TBC1D19: variants seen among roughly 807,000 people sequenced by gnomAD.
TBC1D19 encodes the protein TBC1 domain family, member 19.
In TBC1D19, 60 loss-of-function variants were observed where a neutral mutation model predicts 89.0. That is an observed-to-expected ratio of 0.67 (90% confidence interval 0.55 to 0.84). The LOEUF (loss-of-function observed/expected upper bound fraction) is 0.84, where lower values mean the gene tolerates loss of function less well. Ranked by LOEUF, TBC1D19 falls within the 40% of genes least tolerant of loss-of-function variation. The pLI, the probability that TBC1D19 is intolerant of heterozygous loss-of-function variation, is 0.00. For missense variants in TBC1D19, 500 were observed against 610.8 expected, an observed-to-expected ratio of 0.82 and a Z score of 1.91; for synonymous variants, 189 against 199.7, an observed-to-expected ratio of 0.95 and a Z score of 0.45.
chr4:26,724,601 A>T (rs1717188069), intron 15 of TBC1D19, among the ~76,000 whole-genome samples: 17 of 152,102 alleles, frequency 1.1e-4, no homozygotes, highest in Admixed American at 1.1e-3. Context: ...TTTGACAGAG[A>T]TTTTCTTAAA....
rs16878532 is a variant in TBC1D19, at chr4:26,664,059, C to T, written c.592-2274C>T. The stretch of plus-strand genomic sequence containing the variant: ...CCTTTTGTTATGTCAGGCCCTGTGC[C>T]AAGTAGTAAAGCAGAGTGCAAATGT... On this transcript the variant is annotated intron_variant, in intron 8 of 20. Coordinates refer to ENST00000264866, the MANE Select transcript of TBC1D19 (RefSeq NM_018317.4). 5.6e-3 allele frequency among the ~76,000 whole-genome samples: 856 copies of T among 152,212 alleles called. 12 individuals carry two copies. The highest frequency in any genetic ancestry group is 0.02 in the African/African-American group (822 of 41,520).
chr4:26,695,685 G>A (rs1714711408), intron 13 of TBC1D19, among the ~76,000 whole-genome samples: 1 of 152,168 alleles, frequency 6.6e-6, no homozygotes, highest in Non-Finnish European at 1.5e-5. Context: ...CAAGCCAGAA[G>A]GGAGTGGGGG....
chr4:26,599,580 T>A (rs1245799108), intron 1 of TBC1D19, among the ~76,000 whole-genome samples: 1 of 152,186 alleles, frequency 6.6e-6, no homozygotes, highest in East Asian at 1.9e-4. Flanking sequence ...AGTGTGGAAT[T>A]TTGTGTTCTC....
At chr4:26,718,259 C>G (rs1369708222) in intron 14 of TBC1D19, among the ~76,000 whole-genome samples, 9 of 151,954 alleles carry the variant, frequency 5.9e-5, no homozygotes, top group Non-Finnish European at 8.8e-5. Flanking sequence ...CCTGTGTGCT[C>G]TACCCTTTAT....
chr4:26,713,339 T>G (rs1716333218), intron 13 of TBC1D19, among the ~76,000 whole-genome samples: 1 of 152,070 alleles, frequency 6.6e-6, no homozygotes, highest in Non-Finnish European at 1.5e-5. Flanking sequence ...ATTTTTATAC[T>G]TTTTATACAC....
chr4:26,592,374 C>T (rs1388198980), intron 1 of TBC1D19, among the ~76,000 whole-genome samples: 1 of 152,124 alleles, frequency 6.6e-6, no homozygotes, highest in Non-Finnish European at 1.5e-5. Flanking sequence ...AAACCCACAG[C>T]CAATATCATA....
At chr4:26,676,481 G>T (rs2109120355) in intron 11 of TBC1D19, among the ~76,000 whole-genome samples, 1 of 152,240 alleles carries the variant, frequency 6.6e-6, no homozygotes, top group East Asian at 1.9e-4. Flanking sequence ...ATTTTGGAAG[G>T]CTGAGCCAGG....
intron 14 of TBC1D19, 73 bp downstream of exon 14, chr4:26,718,090 G>C (rs1256758485): frequency 3.3e-6 from 4 of 1,229,172 alleles, no homozygotes; most frequent in Non-Finnish European, 2.3e-6. Flanking sequence ...TTTATTTTTG[G>C]AGATAGTGGT....
chr4:26,651,721 T>C (rs1011141742), intron 7 of TBC1D19, among the ~76,000 whole-genome samples: 1 of 152,204 alleles, frequency 6.6e-6, no homozygotes, highest in Non-Finnish European at 1.5e-5. Flanking sequence ...TCCTGCCTGA[T>C]TGCCATGGCC....
intron 1 of TBC1D19, among the ~76,000 whole-genome samples, chr4:26,587,448 G>A (rs1826063): frequency 0.3 from 46,207 of 151,622 alleles, 8,617 homozygotes; most frequent in Non-Finnish European, 0.42. Flanking sequence ...GTGGCAGTGC[G>A]CACCTGTAGT....
chr4:26,697,767 A>G (rs902366461), intron 13 of TBC1D19, among the ~76,000 whole-genome samples: 2 of 152,224 alleles, frequency 1.3e-5, no homozygotes, highest in African/African-American at 4.8e-5. Flanking sequence ...AAACCACATG[A>G]TTATCTCAAT....
At chr4:26,808,727 CAAA>C in the TBC1D19 span, among the ~76,000 whole-genome samples, 3 of 95,076 alleles carry the variant, frequency 3.2e-5, no homozygotes, top group Admixed American at 1.2e-4. Context: ...GACTCTGTCT[CAAA>C]AAAAAAAAAA....
rs114109689 is a variant in TBC1D19 at position 26,718,940 on chromosome 4, C to T, written c.1039+923C>T. On this transcript the variant is annotated intron_variant, in intron 14 of 20. Transcript: ENST00000264866. The stretch of plus-strand genomic sequence containing the variant: ...TGATTATTCCACAATACCCCATATT[C>T]GTTCTAGCCTCCCTATAGTCCCTGC... Among the ~76,000 whole-genome samples the T allele has an allele frequency of 2.0e-3, 299 of 152,082 alleles. 4 individuals are homozygous for T. Among genetic ancestry groups the T allele is most frequent in the African/African-American group, 7.1e-3 (295 of 41,526 alleles).
At chr4:26,735,526 C>T (rs1286187868) in intron 16 of TBC1D19, 39 bp downstream of exon 16, 5 of 1,486,718 alleles carry the variant, frequency 3.4e-6, no homozygotes, top group Non-Finnish European at 4.5e-6. Context: ...GTACACAAAA[C>T]ATACAATGTT....
intron 4 of TBC1D19, among the ~76,000 whole-genome samples, chr4:26,634,302 T>A (rs1457862844): frequency 6.6e-6 from 1 of 152,092 alleles, no homozygotes; most frequent in South Asian, 2.1e-4. Flanking sequence ...GCATCACTAG[T>A]GGCTTTTTGT....
intron 1 of TBC1D19, among the ~76,000 whole-genome samples, chr4:26,593,727 A>G (rs988583173): frequency 6.6e-6 from 1 of 152,230 alleles, no homozygotes; most frequent in Non-Finnish European, 1.5e-5. Context: ...CAGCCAAAAG[A>G]CACGTGAAAT....
At chr4:26,707,272 T>C (rs1370977460) in intron 13 of TBC1D19, among the ~76,000 whole-genome samples, 1 of 152,088 alleles carries the variant, frequency 6.6e-6, no homozygotes, top group African/African-American at 2.4e-5. Context: ...GTATTGAAAC[T>C]TTTGTTAATA....
chr4:26,667,594 G>A (rs1444589107), intron 9 of TBC1D19, among the ~76,000 whole-genome samples: 3 of 151,840 alleles, frequency 2.0e-5, no homozygotes, highest in Non-Finnish European at 4.4e-5. Flanking sequence ...TCTATTCTAC[G>A]GTTGATAAAT....
intron 1 of TBC1D19, among the ~76,000 whole-genome samples, chr4:26,578,942 T>C (rs1390568986): frequency 6.6e-6 from 1 of 152,198 alleles, no homozygotes; most frequent in African/African-American, 2.4e-5. Flanking sequence ...GTCATCAATT[T>C]TTGTCTTTTT....
Sources: allele counts gnomAD v4.1 joint callset (sites outside exome capture counted in the v4.1 genomes callset), GRCh38; gene constraint gnomAD v4.1.1; transcripts MANE v1.5; gene names NCBI Gene and HGNC (gene_info 2026-07-23, HGNC 2026-07-21).